Variants in ADAMTS6 observed in about 807,000 individuals in gnomAD.
The protein encoded by ADAMTS6 is A disintegrin and metalloproteinase with thrombospondin motifs 6.
A neutral mutation model predicts 144.3 loss-of-function variants in ADAMTS6; 23 were observed. The observed-to-expected ratio is 0.16, with a 90% CI of 0.11 to 0.23. The LOEUF (loss-of-function observed/expected upper bound fraction) is 0.23, where lower values mean the gene tolerates loss of function less well. Ranked by LOEUF, ADAMTS6 falls within the 10% of genes least tolerant of loss-of-function variation. ADAMTS6 has a pLI of 1.00. For synonymous variants in ADAMTS6, 444 were observed against 457.5 expected (o/e 0.97, Z 0.38); for missense variants, 999 against 1,379.6 (o/e 0.72, Z 4.37).
intron 7 of ADAMTS6, among the ~76,000 whole-genome samples, chr5:65,366,168 A>G (rs1750292696): frequency 6.6e-6 from 1 of 152,196 alleles, no homozygotes; most frequent in Non-Finnish European, 1.5e-5. Context: ...CTAACCTGAT[A>G]AATGCAACCT....
At chr5:65,339,810 A>C (rs952320378) in intron 7 of ADAMTS6, among the ~76,000 whole-genome samples, 3 of 151,984 alleles carry the variant, frequency 2.0e-5, no homozygotes, top group Admixed American at 6.6e-5. Context: ...AGGCAGAAAA[A>C]GTAAAGAAAG....
intron 14 of ADAMTS6, among the ~76,000 whole-genome samples, chr5:65,243,721 A>C (rs2112503663): frequency 2.0e-5 from 3 of 152,210 alleles, no homozygotes; most frequent in Admixed American, 2.0e-4. Flanking sequence ...TTGACTTTTC[A>C]AGCTATTTTT....
chr5:65,225,018 A>G lies in ADAMTS6; in HGVS notation c.2097T>C (p.Ser699=). ...KHVGCDNILG[S]DAREDRCRVC... ...CTCGACATCTATCTTCCCTAGCATC[A>G]GATCCCAAAATATTATCACAGCCTA... Residue 699 remains serine (S), a synonymous_variant, in exon 17 of 25, where the codon TCT becomes TCC. Transcript: ENST00000381055. 1.2e-6 allele frequency: 2 copies of G among 1,614,112 alleles called. No individual in the cohort carries two copies. Among genetic ancestry groups the G allele is most frequent in the Non-Finnish European group, 1.7e-6 (2 of 1,180,002 alleles).
chr5:65,373,550 T>C (rs1751195095), intron 7 of ADAMTS6, among the ~76,000 whole-genome samples: 1 of 151,692 alleles, frequency 6.6e-6, no homozygotes, highest in Non-Finnish European at 1.5e-5. Context: ...CTCCCAAGAC[T>C]AAACCAGGAA....
chr5:65,247,047 A>G (rs1264490812), intron 14 of ADAMTS6, among the ~76,000 whole-genome samples: 1 of 152,216 alleles, frequency 6.6e-6, no homozygotes. Context: ...AGCAGTGGGC[A>G]TAAGCAACAG....
chr5:65,187,889 A>G (rs1754766874), intron 22 of ADAMTS6, 127 bp downstream of exon 22: 4 of 902,868 alleles, frequency 4.4e-6, no homozygotes, highest in Non-Finnish European at 4.9e-6. Context: ...AAAATATAAC[A>G]TGGTCACTGT....
At chr5:65,195,262 T>C (rs953536260) in intron 21 of ADAMTS6, among the ~76,000 whole-genome samples, 2 of 152,182 alleles carry the variant, frequency 1.3e-5, no homozygotes, top group African/African-American at 4.8e-5. Flanking sequence ...TAAAAATAAT[T>C]GGCAGAAAAG....
intron 23 of ADAMTS6, 30 bp downstream of exon 23, chr5:65,172,802 C>T (rs750861930): frequency 1.3e-5 from 21 of 1,601,498 alleles, no homozygotes; most frequent in Non-Finnish European, 1.6e-5. Flanking sequence ...GGTGCTATTT[C>T]AGCAGGAGCC....
At chr5:65,176,772 A>G (rs1754007871) in intron 22 of ADAMTS6, among the ~76,000 whole-genome samples, 1 of 152,234 alleles carries the variant, frequency 6.6e-6, no homozygotes, top group Non-Finnish European at 1.5e-5. Flanking sequence ...AAAAGGTGAA[A>G]TTTAGCTTAT....
chr5:65,187,564 C>A (rs529382937), intron 22 of ADAMTS6, among the ~76,000 whole-genome samples: 25 of 152,212 alleles, frequency 1.6e-4, no homozygotes, highest in African/African-American at 6.0e-4. Flanking sequence ...TGCTACATTA[C>A]TTGAAAAAAG....
At chr5:65,451,448 T>A in intron 7 of ADAMTS6, 27 bp downstream of exon 7, 1 of 1,612,112 alleles carries the variant, frequency 6.2e-7, no homozygotes, top group Non-Finnish European at 8.5e-7. Context: ...CAACAATCAA[T>A]GGAAAAATAC....
intron 11 of ADAMTS6, among the ~76,000 whole-genome samples, chr5:65,287,900 C>A (rs866308347): frequency 1.3e-5 from 2 of 152,146 alleles, no homozygotes; most frequent in Middle Eastern, 3.2e-3. Flanking sequence ...ATACCAGAAA[C>A]TATATATCAT....
chr5:65,199,018 T>C (rs957090052), intron 20 of ADAMTS6, among the ~76,000 whole-genome samples: 3 of 152,138 alleles, frequency 2.0e-5, no homozygotes, highest in Admixed American at 1.3e-4. Flanking sequence ...CCATTAGTCA[T>C]AGGAGTCAAC....
chr5:65,391,998 A>C lies in ADAMTS6; in HGVS notation c.1074-57913T>G, dbSNP rs6862315. On this transcript the variant is annotated intron_variant, in intron 7 of 24. Coordinates refer to ENST00000381055, the MANE Select transcript of ADAMTS6 (RefSeq NM_197941.4). ...TGATCCACCCGTCTCGGCCTCCCAAAGTGCTGAGATTATAGGCATGAACCA... is the reference window on the plus strand; with the variant it reads ...TGATCCACCCGTCTCGGCCTCCCAACGTGCTGAGATTATAGGCATGAACCA... 6.2e-3 allele frequency among the ~76,000 whole-genome samples: 951 copies of C among 152,238 alleles called. 15 individuals carry two copies. The highest frequency in any genetic ancestry group is 0.022 in the African/African-American group (912 of 41,534).
intron 7 of ADAMTS6, among the ~76,000 whole-genome samples, chr5:65,348,199 T>G (rs902863104): frequency 3.3e-5 from 5 of 152,124 alleles, no homozygotes; most frequent in Non-Finnish European, 4.4e-5. Context: ...CAAGGAGCTA[T>G]CTGCACTCCC....
chr5:65,179,946 G>A (rs560843510), intron 22 of ADAMTS6, among the ~76,000 whole-genome samples: 3 of 81,978 alleles, frequency 3.7e-5, no homozygotes, highest in Non-Finnish European at 7.3e-5. Context: ...ACACACACAT[G>A]TGCACGCACG....
At chr5:65,348,967 C>T (rs1748602512) in intron 7 of ADAMTS6, among the ~76,000 whole-genome samples, 2 of 152,004 alleles carry the variant, frequency 1.3e-5, no homozygotes, top group African/African-American at 4.8e-5. Flanking sequence ...GGTTTATACA[C>T]TTTACTACAT....
intron 15 of ADAMTS6, among the ~76,000 whole-genome samples, chr5:65,231,517 TTAGAGCAAA>T (rs1758245840): frequency 6.6e-6 from 1 of 152,054 alleles, no homozygotes; most frequent in Admixed American, 6.6e-5. Context: ...GAATTATACT[TTAGAGCAAA>T]TAGAATAAAT....
rs562458251 is a variant in ADAMTS6, at chr5:65,346,435, T to C, written c.1074-12350A>G. Among the ~76,000 whole-genome samples, 13 of 151,940 alleles carry C rather than the reference T, an allele frequency of 8.6e-5. No homozygotes were observed. The South Asian group carries it at 2.3e-3, about 27-fold the overall frequency. On this transcript the variant is annotated intron_variant, in intron 7 of 24. Coordinates refer to ENST00000381055, the MANE Select transcript of ADAMTS6 (RefSeq NM_197941.4). ...TTTGACAAAACTGAATAATCTTTCA[T>C]GGTAAAAATTCTCAACAAATTAGGT...
Sources: allele counts gnomAD v4.1 joint callset (sites outside exome capture counted in the v4.1 genomes callset), GRCh38; gene constraint gnomAD v4.1.1; transcripts MANE v1.5; gene names NCBI Gene and HGNC (gene_info 2026-07-23, HGNC 2026-07-21).